NLRC3: variants seen among roughly 807,000 people sequenced by gnomAD.
NLRC3 encodes the protein NLR family CARD domain-containing protein 3.
NLRC3 carries 87 observed loss-of-function variants against 91.6 expected under a neutral mutation model. The observed-to-expected ratio is 0.95, with a 90% CI of 0.80 to 1.14. The LOEUF (loss-of-function observed/expected upper bound fraction) is 1.14. Among genes scored for constraint, NLRC3 ranks in the 50% most tolerant of loss-of-function variants. The pLI is 0.00. For missense variants in NLRC3, 1,577 were observed against 1,418.6 expected (o/e 1.11, Z -1.79); for synonymous variants, 694 against 625.3 (o/e 1.11, Z -1.64).
At position 3,563,261 on chromosome 16, in the gene NLRC3, G is replaced by T. The variant is rs894771759; in HGVS notation, c.1676C>A (p.Ala559Glu). ...CACGTTGATGGCCCGTGCACAGACTGCGGCATCGGGGCGCAGGCAGCCCTG... is the reference window on the plus strand; with the variant it reads ...CACGTTGATGGCCCGTGCACAGACTTCGGCATCGGGGCGCAGGCAGCCCTG... Reference protein sequence around the residue: ...LLQGCLRPDAAVCARAINVLH... With the variant: ...LLQGCLRPDAEVCARAINVLH... The change falls in exon 5 of 20, where the codon GCA (alanine) becomes GAA (glutamate). Residue 559 changes from alanine (A) to glutamate (E), a missense_variant. Physicochemically the swap from Ala to Glu is moderately radical, Grantham distance 107. Coordinates refer to ENST00000359128, the MANE Select transcript of NLRC3 (RefSeq NM_178844.4). 4 of 1,606,392 alleles carry T rather than the reference G, an allele frequency of 2.5e-6. No individual in the cohort carries two copies. The highest frequency in any genetic ancestry group is 3.4e-6 in the Non-Finnish European group (4 of 1,178,086).
In NLRC3 at chr16:3,554,239, C is replaced by G; in HGVS notation, c.2267+3G>C. 6.2e-7 allele frequency: 1 copy of G among 1,606,186 alleles called. No homozygotes were observed. Among genetic ancestry groups the G allele is most frequent in the Non-Finnish European group, 8.5e-7 (1 of 1,172,780 alleles). On this transcript the variant is annotated splice_donor_region_variant and intron_variant, in intron 9 of 19. Transcript: ENST00000359128. Reference sequence around the variant, plus strand: ...GGGGGAGAGAGGAGATGTGTTCACTCACTGCAGCATGGAGAGGGTCCGGTT... The same window carrying G: ...GGGGGAGAGAGGAGATGTGTTCACTGACTGCAGCATGGAGAGGGTCCGGTT...
Position 3,541,589 on chromosome 16 carries a change from C to G in NLRC3, c.*236G>C. 1 of 547,122 alleles carries G rather than the reference C, an allele frequency of 1.8e-6. No individual in the cohort carries two copies. The highest frequency in any genetic ancestry group is 3.3e-6 in the Non-Finnish European group (1 of 306,130). 33.9% of individuals were successfully genotyped at this position (547,122 alleles called of 1,614,324 possible). On this transcript the variant is annotated 3_prime_UTR_variant, in exon 20 of 20. Coordinates refer to ENST00000359128, the MANE Select transcript of NLRC3 (RefSeq NM_178844.4). Reference sequence around the variant, plus strand: ...GCCCCTAGTCCCTTGGGGGTGGCCCCTCCCTTCTCTGTGCCATAACAGAGT... The same window carrying G: ...GCCCCTAGTCCCTTGGGGGTGGCCCGTCCCTTCTCTGTGCCATAACAGAGT...
At chr16:3,556,353 A>G (rs866891163) in intron 8 of NLRC3, among the ~76,000 whole-genome samples, 123 of 130,074 alleles carry the variant, frequency 9.5e-4, no homozygotes, top group South Asian at 9.1e-3. Context: ...AAAAAAAAAA[A>G]AGAGACGTAA....
rs1239575118 is a variant in NLRC3, at chr16:3,563,627, C to T, written c.1310G>A (p.Cys437Tyr). 2.5e-6 allele frequency: 4 copies of T among 1,613,528 alleles called. No individual in the cohort carries two copies. The highest frequency in any genetic ancestry group is 3.4e-6 in the Non-Finnish European group (4 of 1,179,832). Residue 437 changes from cysteine to tyrosine, a missense_variant, in exon 5 of 20, where the codon TGC becomes TAC. Coordinates refer to ENST00000359128, the MANE Select transcript of NLRC3 (RefSeq NM_178844.4). Reference sequence around the variant, plus strand: ...CAACGTCTCCTCTCTCTGCAGGAAGCAGCTGCACGGGGCGCCCTGCAGCAG... The same window carrying T: ...CAACGTCTCCTCTCTCTGCAGGAAGTAGCTGCACGGGGCGCCCTGCAGCAG... The part of the protein sequence containing the change: ...LALLQGAPCS[C>Y]FLQREETLAS...
chr16:3,551,218 A>C (rs1038906630), intron 10 of NLRC3, among the ~76,000 whole-genome samples: 1 of 150,996 alleles, frequency 6.6e-6, no homozygotes, highest in Non-Finnish European at 1.5e-5. Context: ...TCATCTATCC[A>C]TTCATCCATC....
intron 15 of NLRC3, chr16:3,545,693 C>G (rs1487411423): frequency 6.6e-6 from 1 of 152,116 alleles, no homozygotes; most frequent in East Asian, 1.9e-4. Context: ...CCCAGGGTGT[C>G]AACAGAAGGC....
chr16:3,577,051 C>G, intron 1 of NLRC3, 98 bp downstream of exon 1: 1 of 700,228 alleles, frequency 1.4e-6, no homozygotes, highest in South Asian at 1.5e-5. Flanking sequence ...CCCAGTCCCC[C>G]TCCCCAGAGT....
intron 16 of NLRC3, chr16:3,543,771 C>T (rs902715372): frequency 3.9e-6 from 2 of 511,640 alleles, no homozygotes; most frequent in Non-Finnish European, 7.1e-6. Flanking sequence ...CTCCTCATTA[C>T]TACTCTCTAG....
chr16:3,564,736 G>T lies in NLRC3; in HGVS notation c.201C>A (p.Arg67=), dbSNP rs773986882. The change falls in exon 5 of 20, where the codon CGC becomes CGA. Residue 67 remains arginine (R), a synonymous_variant. Transcript: ENST00000359128. This position sits in a 1 kb window ranked among gnomAD's most constrained non-coding sequence, Gnocchi z 5.9. ...CSNDSRIQRH[R]KALLSKVGGG... is the part of the protein sequence containing the mutation. ...CTCCCACCTTGCTCAGCAGGGCCTT[G>T]CGGTGCCTCTGTATCCTTGAGTCTG... 6.3e-7 allele frequency: 1 copy of T among 1,588,386 alleles called. No individual in the cohort carries two copies. The highest frequency in any genetic ancestry group is 1.1e-5 in the South Asian group (1 of 88,682).
intron 5 of NLRC3, chr16:3,562,749 C>T (rs534148709): frequency 2.6e-4 from 151 of 576,910 alleles, no homozygotes; most frequent in Non-Finnish European, 4.3e-4. Flanking sequence ...TCCCATCAAA[C>T]ACTGGAAGCT....
At chr16:3,560,421 TCAAAA>T (rs2039554055) in intron 6 of NLRC3, among the ~76,000 whole-genome samples, 1 of 150,834 alleles carries the variant, frequency 6.6e-6, no homozygotes, top group African/African-American at 2.4e-5. Flanking sequence ...AGACTCCGTC[TCAAAA>T]CAAAAAAAAA....
In NLRC3 at chr16:3,558,714, C is replaced by T. The variant is rs1277915992; in HGVS notation, c.2016-1038G>A. Among the ~76,000 whole-genome samples, 5 of 152,168 alleles carry T rather than the reference C, an allele frequency of 3.3e-5. No individual in the cohort carries two copies. In the East Asian group the frequency reaches 9.6e-4, roughly 29 times the overall value. ...AATAGTAGCTGTCCAGGCTCTTTGC[C>T]GTTTGTAGGCATTCAGCCCCATGGG... On this transcript the variant is annotated intron_variant, in intron 6 of 19. Transcript: ENST00000359128.
chr16:3,550,363 C>T lies in NLRC3; in HGVS notation c.2435+51G>A, dbSNP rs1452057938. On this transcript the variant is annotated intron_variant, in intron 11 of 19. Coordinates refer to ENST00000359128, the MANE Select transcript of NLRC3 (RefSeq NM_178844.4). ...TTTTTCAGGACTGCCGGCCCACTATCTACTGGAAAGAGAACCCAGGGGGAA... is the reference window on the plus strand; with the variant it reads ...TTTTTCAGGACTGCCGGCCCACTATTTACTGGAAAGAGAACCCAGGGGGAA... The T allele has an allele frequency of 3.9e-6, 5 of 1,267,278 alleles. No homozygotes were observed. The Admixed American group carries it at 8.6e-5, about 22-fold the overall frequency. 78.5% of individuals were successfully genotyped at this position (1,267,278 alleles called of 1,614,324 possible).
chr16:3,570,558 CAAAG>C (rs1430549401), intron 1 of NLRC3, among the ~76,000 whole-genome samples: 9 of 152,018 alleles, frequency 5.9e-5, no homozygotes, highest in African/African-American at 1.7e-4. Flanking sequence ...CTGTGAGTGA[CAAAG>C]AAGCCTGGAA....
intron 15 of NLRC3, among the ~76,000 whole-genome samples, chr16:3,546,195 C>T (rs2038680450): frequency 6.6e-6 from 1 of 151,820 alleles, no homozygotes; most frequent in African/African-American, 2.4e-5. Context: ...CCCAGGAGTT[C>T]AAGACTAGCC....
intron 16 of NLRC3, chr16:3,543,725 G>A: frequency 5.3e-6 from 3 of 568,042 alleles, no homozygotes; most frequent in Non-Finnish European, 9.5e-6. Flanking sequence ...AATAGAGGCT[G>A]TCCCTGGAAG....
chr16:3,571,090 C>G (rs1010944963), intron 1 of NLRC3, among the ~76,000 whole-genome samples: 8 of 151,996 alleles, frequency 5.3e-5, no homozygotes, highest in Non-Finnish European at 8.8e-5. Context: ...TTTATAATAT[C>G]TACACATTAA....
At chr16:3,570,015 C>T (rs1364508427) in intron 1 of NLRC3, among the ~76,000 whole-genome samples, 10 of 152,146 alleles carry the variant, frequency 6.6e-5, no homozygotes, top group African/African-American at 2.2e-4. Context: ...ATTATTTCTC[C>T]CATTTTACAG....
At chr16:3,573,850 G>A (rs1188519464) in intron 1 of NLRC3, among the ~76,000 whole-genome samples, 1 of 152,000 alleles carries the variant, frequency 6.6e-6, no homozygotes, top group Admixed American at 6.6e-5. Flanking sequence ...ACAGGGTCCT[G>A]CTTTGTTGCC....
Sources: gnomAD v4.1 joint callset for allele counts (sites outside exome capture counted in the v4.1 genomes callset) on GRCh38, gnomAD v4.1.1 for gene constraint, Gnocchi (gnomAD v3.1) non-coding constraint, MANE v1.5 for transcripts, NCBI Gene and HGNC (gene_info 2026-07-23, HGNC 2026-07-21) for gene names.